TLN1: variants seen among roughly 807,000 people sequenced by gnomAD.
TLN1 encodes talin-1.
TLN1 carries 56 observed loss-of-function variants against 292.3 expected under a neutral mutation model. The ratio of observed to expected loss-of-function variants is 0.19; its 90% CI spans 0.15 to 0.24. The LOEUF (loss-of-function observed/expected upper bound fraction) is 0.24. TLN1 is among the 10% of genes least tolerant of loss of function. The probability of loss-of-function intolerance (pLI) is 1.00; values close to 1 mark genes in which losing one functional copy is unlikely to be tolerated. For synonymous variants in TLN1, 1,119 were observed against 1,253.7 expected, an observed-to-expected ratio of 0.89 and a Z score of 2.27; for missense variants, 2,433 against 3,248.2, an observed-to-expected ratio of 0.75 and a Z score of 6.10.
In TLN1 at chr9:35,716,714, A is replaced by AT. The variant is rs201679538; in HGVS notation, c.2459-159dup. 2.0e-5 allele frequency among the ~76,000 whole-genome samples: 3 copies of AT among 151,986 alleles called. No individual in the cohort carries two copies. In the East Asian group the frequency reaches 5.8e-4, roughly 29 times the overall value. On this transcript the variant is annotated intron_variant, in intron 19 of 56. Transcript: ENST00000314888. ...GCTCTTGCATCATTTCTTTGGGGCT[A>AT]TTTTTTTTCTGGGTTTAGGATCTTG...
intron 9 of TLN1, 150 bp downstream of exon 9, chr9:35,721,969 G>T: frequency 8.8e-7 from 1 of 1,136,914 alleles, no homozygotes; most frequent in Non-Finnish European, 1.3e-6. Flanking sequence ...CTGATGACAG[G>T]CAGGTTTTCA....
intron 7 of TLN1, chr9:35,723,644 T>C (rs1825916939): frequency 3.0e-6 from 1 of 331,006 alleles, no homozygotes; most frequent in South Asian, 3.0e-5. Flanking sequence ...CCATGTTCCC[T>C]ATAGGGAAAA....
chr9:35,724,789 G>A lies in TLN1; in HGVS notation c.358+41C>T, dbSNP rs767142176. The A allele has an allele frequency of 6.2e-7, 1 of 1,613,728 alleles. No homozygotes were observed. The highest frequency in any genetic ancestry group is 1.7e-5 in the Admixed American group (1 of 59,990). The stretch of plus-strand genomic sequence containing the variant: ...ATCCATGCCTTTTGAGAGAGTTGAG[G>A]CTTTCTGGCCCAGGCTTTCAACTGT... On this transcript the variant is annotated intron_variant, in intron 4 of 56. Coordinates refer to ENST00000314888, the MANE Select transcript of TLN1 (RefSeq NM_006289.4). The surrounding 1 kb of genome is among the most constrained non-coding windows in gnomAD (Gnocchi z 4.7).
rs1211276484 is a variant in TLN1 at position 35,697,595 on chromosome 9, T to C, written c.*196A>G. 3 of 694,458 alleles carry C rather than the reference T, an allele frequency of 4.3e-6. No individual in the cohort carries two copies. Among genetic ancestry groups the C allele is most frequent in the East Asian group, 2.7e-5 (1 of 36,854 alleles). The allele number at this position is 694,458 out of a possible 1,614,324, so 43.0% of individuals were successfully genotyped here. On this transcript the variant is annotated 3_prime_UTR_variant, in exon 57 of 57. Transcript: ENST00000314888. ...GGAGGGGCAGGCACTTGGGGGGCCC[T>C]AGGGCATGAAGGCACTTGGGGTTGG...
At chr9:35,712,462 G>T (rs1427486209) in intron 27 of TLN1, among the ~76,000 whole-genome samples, 1 of 152,118 alleles carries the variant, frequency 6.6e-6, no homozygotes. Flanking sequence ...TGGCCAACAT[G>T]GTGAAGCCCT....
chr9:35,706,987 C>G lies in TLN1; in HGVS notation c.4955+85G>C, dbSNP rs1027336740. On this transcript the variant is annotated intron_variant, in intron 37 of 56. Coordinates refer to ENST00000314888, the MANE Select transcript of TLN1 (RefSeq NM_006289.4). The surrounding 1 kb of genome is among the most constrained non-coding windows in gnomAD (Gnocchi z 4.2). ...TTCCCCTGTATCCTCCCAACACCAT[C>G]CCATCTCATTGCACTCAAGTGCCCA... 1 of 1,608,304 alleles carries G rather than the reference C, an allele frequency of 6.2e-7. No individual in the cohort carries two copies. Among genetic ancestry groups the G allele is most frequent in the Non-Finnish European group, 8.5e-7 (1 of 1,178,012 alleles).
At chr9:35,705,312 C>T (rs899342589) in intron 43 of TLN1, among the ~76,000 whole-genome samples, 3 of 152,192 alleles carry the variant, frequency 2.0e-5, no homozygotes, top group Non-Finnish European at 4.4e-5. Flanking sequence ...TGAGGGTCGG[C>T]AGAAGCCAGA....
chr9:35,712,449 T>G (rs542234233), intron 27 of TLN1, among the ~76,000 whole-genome samples: 1 of 152,108 alleles, frequency 6.6e-6, no homozygotes, highest in Admixed American at 6.5e-5. Flanking sequence ...ATCGAGACCA[T>G]CCTGGCCAAC....
In TLN1 at chr9:35,717,695, G is replaced by C. The variant is rs762426705; in HGVS notation, c.2087C>G (p.Ser696Trp). The C allele has an allele frequency of 6.2e-7, 1 of 1,614,068 alleles. No individual in the cohort carries two copies. Among genetic ancestry groups the C allele is most frequent in the East Asian group, 2.2e-5 (1 of 44,880 alleles). ...AGCAATAACTTGGGTCTGAAGTCCC[G>C]AGTCCTCTGTCCGCTGGGCCACACT... The part of the protein sequence containing the change: ...AKSVAQRTED[S>W]GLQTQVIAAA... Residue 696 changes from serine (S) to tryptophan (W), a missense_variant, in exon 18 of 57, where the codon TCG (serine) becomes TGG (tryptophan). By Grantham distance (177) the Ser-to-Trp change is radical (BLOSUM62 -3). Coordinates refer to ENST00000314888, the MANE Select transcript of TLN1 (RefSeq NM_006289.4). This position sits in a 1 kb window ranked among gnomAD's most constrained non-coding sequence, Gnocchi z 4.7.
Position 35,716,564 on chromosome 9 carries a change from C to T in TLN1, c.2459-8G>A. 1.9e-6 allele frequency: 3 copies of T among 1,612,788 alleles called. No homozygotes were observed. Among genetic ancestry groups the T allele is most frequent in the Non-Finnish European group, 2.5e-6 (3 of 1,179,240 alleles). ...CCTGTCGCACCATCTCCCCTGAGAGCATAGGGCACAGTCAGGCGAGGAAGC... is the reference window on the plus strand; with the variant it reads ...CCTGTCGCACCATCTCCCCTGAGAGTATAGGGCACAGTCAGGCGAGGAAGC... On this transcript the variant is annotated splice_region_variant and splice_polypyrimidine_tract_variant and intron_variant, in intron 19 of 56. Transcript: ENST00000314888.
chr9:35,726,330 C>T (rs985894390), intron 1 of TLN1, among the ~76,000 whole-genome samples: 7 of 152,204 alleles, frequency 4.6e-5, no homozygotes, highest in Non-Finnish European at 8.8e-5. Context: ...ATTTGTACCT[C>T]CCTACTTTCA....
chr9:35,721,850 G>A (rs1274912611), intron 9 of TLN1, 47 bp from the exon 10 acceptor site: 3 of 1,594,896 alleles, frequency 1.9e-6, no homozygotes, highest in Non-Finnish European at 2.6e-6. Context: ...GAGGTCAAAT[G>A]AGAGGTGAAT....
intron 48 of TLN1, 83 bp downstream of exon 48, chr9:35,703,477 G>C (rs1825504380): frequency 7.9e-7 from 1 of 1,269,254 alleles, no homozygotes; most frequent in African/African-American, 1.5e-5. Flanking sequence ...CTCCAGCTGT[G>C]AGTATATGTG....
chr9:35,697,941 G>C (rs769514659), intron 56 of TLN1, 25 bp from the exon 57 acceptor site: 1 of 1,614,076 alleles, frequency 6.2e-7, no homozygotes, highest in Non-Finnish European at 8.5e-7. Flanking sequence ...CGGGGACTTA[G>C]TTCAGTGAGG....
At chr9:35,708,258 C>A in intron 34 of TLN1, 83 bp downstream of exon 34, 1 of 1,471,746 alleles carries the variant, frequency 6.8e-7, no homozygotes, top group South Asian at 1.4e-5. Context: ...GCCCTCTTTC[C>A]CACATGCCTC....
chr9:35,716,871 T>C (rs1240038619), intron 19 of TLN1, among the ~76,000 whole-genome samples: 1 of 152,224 alleles, frequency 6.6e-6, no homozygotes, highest in Non-Finnish European at 1.5e-5. Flanking sequence ...GGGAAGGCTA[T>C]ACCACTTTCA....
chr9:35,728,366 CCT>C (rs747430237), intron 1 of TLN1, among the ~76,000 whole-genome samples: 1 of 152,130 alleles, frequency 6.6e-6, no homozygotes, highest in East Asian at 1.9e-4. Flanking sequence ...CCAAATTTGG[CCT>C]CTGAGTCCGC....
rs1190341227 is a variant in TLN1, at chr9:35,714,841, C to T, written c.2790G>A (p.Gln930=). The change falls in exon 22 of 57, where the codon CAG becomes CAA. Residue 930 remains glutamine (Q), a synonymous_variant. Coordinates refer to ENST00000314888, the MANE Select transcript of TLN1 (RefSeq NM_006289.4). The surrounding 1 kb of genome is among the most constrained non-coding windows in gnomAD (Gnocchi z 4.6). The stretch of plus-strand genomic sequence containing the variant: ...CTGCGTGCTGAGCTGCAGCGATGGT[C>T]TGTGTGGCTGAGGCTGCAGCCTGCT... ...AAKQAAASAT[Q]TIAAAQHAAS... is the part of the protein sequence containing the mutation. 6.4e-7 allele frequency: 1 copy of T among 1,570,700 alleles called. No homozygotes were observed.
rs1208468107 is a variant in TLN1 at position 35,716,826 on chromosome 9, ACT to A, written c.2459-272_2459-271del. On this transcript the variant is annotated intron_variant, in intron 19 of 56. Coordinates refer to ENST00000314888, the MANE Select transcript of TLN1 (RefSeq NM_006289.4). ...GCCAGTAGCCTTGAGAAGATGAGACACTCTCTGAAAACTTTTGGGGTCAGGGG... is the reference window on the plus strand; with the variant it reads ...GCCAGTAGCCTTGAGAAGATGAGACACTCTGAAAACTTTTGGGGTCAGGGG... Among the ~76,000 whole-genome samples the A allele has an allele frequency of 5.9e-5, 9 of 152,002 alleles. No homozygotes were observed. The East Asian group carries it at 1.7e-3, about 29-fold the overall frequency.
Sources: allele counts gnomAD v4.1 joint callset (sites outside exome capture counted in the v4.1 genomes callset), GRCh38; gene constraint gnomAD v4.1.1; non-coding constraint Gnocchi (gnomAD v3.1); transcripts MANE v1.5; gene names NCBI Gene and HGNC (gene_info 2026-07-23, HGNC 2026-07-21).